Variants in NUP98 observed in about 807,000 individuals in gnomAD.
NUP98 encodes nucleoporin 98 and 96 precursor.
In NUP98, 26 loss-of-function variants were observed where a neutral mutation model predicts 191.9. The observed-to-expected ratio is 0.14, with a 90% CI of 0.10 to 0.19. The LOEUF is 0.19. Ranked by LOEUF, NUP98 falls within the 10% of genes least tolerant of loss-of-function variation. NUP98 has a pLI of 1.00. For missense variants in NUP98, 1,941 were observed against 2,178.8 expected, an observed-to-expected ratio of 0.89 and a Z score of 2.17; for synonymous variants, 808 against 778.4, an observed-to-expected ratio of 1.04 and a Z score of -0.63.
In NUP98 at chr11:3,723,279, T is replaced by C. The variant is rs2079477065; in HGVS notation, c.2024A>G (p.Asn675Ser). The C allele has an allele frequency of 6.2e-7, 1 of 1,614,042 alleles. No homozygotes were observed. The highest frequency in any genetic ancestry group is 1.6e-4 in the Middle Eastern group (1 of 6,084). ...NSVDDTIVAL[N>S]MRAALRNGLE... Reference sequence around the variant, plus strand: ...CCCATTTCGCAAAGCAGCACGCATGTTTAATGCAACAATGGTATCATCCAC... The same window carrying C: ...CCCATTTCGCAAAGCAGCACGCATGCTTAATGCAACAATGGTATCATCCAC... Residue 675 changes from asparagine (N) to serine (S), a missense_variant, in exon 16 of 33, where the codon AAC (asparagine) becomes AGC (serine). By Grantham distance (46) the Asn-to-Ser change is conservative. This residue lies in a region of NUP98 where 453 missense variants were observed against 438.2 expected (regional missense o/e 1.03). Coordinates refer to ENST00000324932, the MANE Select transcript of NUP98 (RefSeq NM_016320.5).
chr11:3,685,793 T>A (rs1422623977), intron 29 of NUP98, among the ~76,000 whole-genome samples, 180 bp downstream of exon 29: 1 of 152,226 alleles, frequency 6.6e-6, no homozygotes, highest in Non-Finnish European at 1.5e-5. Context: ...TTTAACTGGT[T>A]TACATGAATA....
At chr11:3,793,969 C>CAAAA (rs1490056931) in intron 1 of NUP98, among the ~76,000 whole-genome samples, 24 of 147,874 alleles carry the variant, frequency 1.6e-4, no homozygotes, top group African/African-American at 4.6e-4. Flanking sequence ...AACTCTGTCT[C>CAAAA]AAAAAATAAA....
intron 7 of NUP98, among the ~76,000 whole-genome samples, chr11:3,771,103 C>T (rs1223595564): frequency 1.3e-5 from 2 of 152,156 alleles, no homozygotes; most frequent in African/African-American, 4.8e-5. Context: ...CCTCAAGCAA[C>T]CCACCTGCCT....
rs533868194 is a variant in NUP98, at chr11:3,692,514, C to T, written c.4311+718G>A. Reference sequence around the variant, plus strand: ...TAGTGGCACATGCCTGTAGTCCCAGCTACCCGGGAGGCAGAGGTTGCAGTG... The same window carrying T: ...TAGTGGCACATGCCTGTAGTCCCAGTTACCCGGGAGGCAGAGGTTGCAGTG... On this transcript the variant is annotated intron_variant, in intron 27 of 32. Transcript: ENST00000324932. Among the ~76,000 whole-genome samples the T allele has an allele frequency of 3.3e-3, 506 of 151,908 alleles. 1 individual carries two copies. The highest frequency in any genetic ancestry group is 5.3e-3 in the Non-Finnish European group (357 of 67,934).
At chr11:3,712,864 A>G in intron 19 of NUP98, 136 bp from the exon 20 acceptor site, 1 of 781,072 alleles carries the variant, frequency 1.3e-6, no homozygotes, top group East Asian at 2.7e-5. Flanking sequence ...AGCAAAATAT[A>G]TCACCTATCA....
chr11:3,771,237 T>G (rs1486451497), intron 7 of NUP98, among the ~76,000 whole-genome samples: 1 of 152,222 alleles, frequency 6.6e-6, no homozygotes, highest in Non-Finnish European at 1.5e-5. Context: ...GTTTCTACTC[T>G]TACAATCTAC....
intron 8 of NUP98, among the ~76,000 whole-genome samples, chr11:3,766,202 C>T (rs1249820766): frequency 6.6e-6 from 1 of 152,032 alleles, no homozygotes; most frequent in African/African-American, 2.4e-5. Context: ...CGATGAAAAC[C>T]CATCTCTACA....
At chr11:3,729,543 CAAAAAAA>C (rs36045405) in intron 14 of NUP98, among the ~76,000 whole-genome samples, 13 of 55,750 alleles carry the variant, frequency 2.3e-4, no homozygotes, top group East Asian at 1.5e-3. Flanking sequence ...CCTGTATCTC[CAAAAAAA>C]AAAAAAAAAA....
At chr11:3,712,222 T>C in intron 20 of NUP98, 1 of 1,093,724 alleles carries the variant, frequency 9.1e-7, no homozygotes, top group Non-Finnish European at 1.1e-6. Flanking sequence ...AGGTAGTCAA[T>C]AAAGGCAGAA....
intron 11 of NUP98, among the ~76,000 whole-genome samples, chr11:3,752,257 C>A (rs970536187): frequency 1.1e-4 from 16 of 151,786 alleles, no homozygotes; most frequent in East Asian, 3.9e-4. Context: ...GTGGCTCACA[C>A]CTGTAATCCC....
At chr11:3,773,878 T>C in intron 5 of NUP98, 139 bp from the exon 6 acceptor site, 1 of 533,538 alleles carries the variant, frequency 1.9e-6, no homozygotes, top group South Asian at 2.6e-5. Flanking sequence ...GGTGCTTGAT[T>C]AAATATACTG....
At chr11:3,682,477 A>C (rs940752765) in intron 30 of NUP98, among the ~76,000 whole-genome samples, 2 of 152,174 alleles carry the variant, frequency 1.3e-5, no homozygotes, top group Admixed American at 6.5e-5. Context: ...TAACTGGCCT[A>C]ATTTCGTGAT....
At chr11:3,702,019 G>A (rs1219231529) in intron 23 of NUP98, among the ~76,000 whole-genome samples, 1 of 151,900 alleles carries the variant, frequency 6.6e-6, no homozygotes. Context: ...GGCTGGGCAA[G>A]GTGGCTCATG....
intron 29 of NUP98, among the ~76,000 whole-genome samples, chr11:3,683,961 A>G (rs938186375): frequency 6.6e-6 from 1 of 151,690 alleles, no homozygotes; most frequent in African/African-American, 2.4e-5. Flanking sequence ...TAATCCCAGC[A>G]CTTTGGGAGG....
chr11:3,713,349 G>A (rs1406534859), intron 19 of NUP98, among the ~76,000 whole-genome samples: 1 of 152,202 alleles, frequency 6.6e-6, no homozygotes, highest in Non-Finnish European at 1.5e-5. Flanking sequence ...ACTCATTACT[G>A]CTGAATTTTA....
chr11:3,750,877 C>A (rs2080724275), intron 11 of NUP98, among the ~76,000 whole-genome samples: 1 of 151,962 alleles, frequency 6.6e-6, no homozygotes, highest in Non-Finnish European at 1.5e-5. Context: ...GTCAAGCAAT[C>A]CTCCTGCCTA....
At chr11:3,719,776 T>C (rs1301868113) in intron 17 of NUP98, among the ~76,000 whole-genome samples, 4 of 151,692 alleles carry the variant, frequency 2.6e-5, no homozygotes, top group African/African-American at 9.7e-5. Context: ...TTCTTTTCTT[T>C]TTTTTTTTGG....
intron 1 of NUP98, among the ~76,000 whole-genome samples, chr11:3,791,775 G>A (rs1412379998): frequency 1.3e-5 from 2 of 150,666 alleles, no homozygotes; most frequent in African/African-American, 2.4e-5. Flanking sequence ...CCCAGGAGGC[G>A]AGGTTACAGT....
intron 25 of NUP98, among the ~76,000 whole-genome samples, chr11:3,698,180 T>C (rs2078570557): frequency 6.6e-6 from 1 of 152,180 alleles, no homozygotes; most frequent in African/African-American, 2.4e-5. Context: ...GAACAGAATA[T>C]AATACACAGC....
Sources: gnomAD v4.1 joint callset for allele counts (sites outside exome capture counted in the v4.1 genomes callset) on GRCh38, gnomAD v4.1.1 for gene constraint, gnomAD v4.1.1 regional missense constraint, MANE v1.5 for transcripts, NCBI Gene and HGNC (gene_info 2026-07-23, HGNC 2026-07-21) for gene names.